The following ZNF571 variants were observed in gnomAD, a reference collection of about 807,000 sequenced individuals.
ZNF571 encodes zinc finger protein 571.
A neutral mutation model predicts 7.7 loss-of-function variants in ZNF571; 4 were observed. The observed-to-expected ratio is 0.52, with a 90% confidence interval of 0.25 to 1.18. ZNF571 has a LOEUF of 1.18. Among genes scored for constraint, ZNF571 ranks in the 50% most tolerant of loss-of-function variants. The pLI is 0.14. For missense variants in ZNF571, 704 were observed against 726.9 expected, an observed-to-expected ratio of 0.97 and a Z score of 0.36; for synonymous variants, 251 against 232.4, an observed-to-expected ratio of 1.08 and a Z score of -0.73.
At chr19:37,575,626 T>C (rs2043216393) in intron 3 of ZNF571, 1 of 152,214 alleles carries the variant, frequency 6.6e-6, no homozygotes, top group Non-Finnish European at 1.5e-5. Context: ...GGTTCTTACT[T>C]CAGGGTCACG....
At position 37,564,712 on chromosome 19, in the gene ZNF571, TTC is replaced by T. The variant is rs763334265; in HGVS notation, c.1714_1715del (p.Glu572ThrfsTer11). 5.6e-6 allele frequency: 9 copies of T among 1,613,634 alleles called. No homozygotes were observed. The South Asian group carries it at 8.8e-5, about 16-fold the overall frequency. On this transcript the variant is annotated frameshift_variant, in exon 4 of 4. Transcript: ENST00000451802. LOFTEE classifies it low-confidence loss of function (END_TRUNC). ...ECGRAFSRGSELTLHQRIHTG... is the reference protein window; with the variant it reads ...ECGRAFSRGSXLTLHQRIHTG... ...TATGGATCCTTTGATGCAGAGTAAG[TTC>T]TGAGCCACGACTAAAGGCCCTCCCA... is the stretch of plus-strand genomic sequence containing the variant.
rs553564809 is a variant in ZNF571, at chr19:37,583,988, C to T, written c.119G>A (p.Ser40Asn). Reference sequence around the variant, plus strand: ...GATCTTACCCAATGAGATCAGGTTGCTGTAGTTCTCCAACATCACATCCCT... The same window carrying T: ...GATCTTACCCAATGAGATCAGGTTGTTGTAGTTCTCCAACATCACATCCCT... Reference protein sequence around the residue: ...LYRDVMLENYSNLISLDLESS... With the variant: ...LYRDVMLENYNNLISLDLESS... Residue 40 changes from serine (S) to asparagine (N), a missense_variant, in exon 3 of 4, where the codon AGC becomes AAC. Transcript: ENST00000451802. 1.2e-6 allele frequency: 2 copies of T among 1,612,038 alleles called. No individual in the cohort carries two copies. Among genetic ancestry groups the T allele is most frequent in the South Asian group, 2.2e-5 (2 of 90,830 alleles).
intron 3 of ZNF571, among the ~76,000 whole-genome samples, chr19:37,567,253 CT>C (rs2042893582): frequency 6.6e-6 from 1 of 152,192 alleles, no homozygotes; most frequent in Non-Finnish European, 1.5e-5. Context: ...GTTTCATATA[CT>C]GCTTTATCTC....
At chr19:37,578,619 C>T (rs2147184350) in intron 3 of ZNF571, among the ~76,000 whole-genome samples, 1 of 152,292 alleles carries the variant, frequency 6.6e-6, no homozygotes, top group African/African-American at 2.4e-5. Flanking sequence ...AGCCCCTCCT[C>T]GCCAGGAAAG....
chr19:37,564,538 T>A lies in ZNF571; in HGVS notation c.*60A>T. 7.0e-7 allele frequency: 1 copy of A among 1,418,944 alleles called. No homozygotes were observed. The highest frequency in any genetic ancestry group is 2.6e-5 in the Admixed American group (1 of 39,088). 87.9% of individuals were successfully genotyped at this position (1,418,944 alleles called of 1,614,324 possible). ...CTGAGCAGAAGCAAGATGTTCTACATTCATTATAGATATGAAATAGATGAA... is the reference window on the plus strand; with the variant it reads ...CTGAGCAGAAGCAAGATGTTCTACAATCATTATAGATATGAAATAGATGAA... On this transcript the variant is annotated 3_prime_UTR_variant, in exon 4 of 4. Transcript: ENST00000451802.
intron 1 of ZNF571, among the ~76,000 whole-genome samples, chr19:37,591,824 G>A (rs113873388): frequency 0.025 from 3,738 of 152,196 alleles, 162 homozygotes; most frequent in African/African-American, 0.085. Context: ...GATTACAGGC[G>A]TGAGCCACCA....
chr19:37,568,728 GCT>G (rs1325809472), intron 3 of ZNF571, among the ~76,000 whole-genome samples: 3 of 152,068 alleles, frequency 2.0e-5, no homozygotes, highest in Non-Finnish European at 2.9e-5. Context: ...TTAAGTAGCA[GCT>G]CTTTTTATTG....
chr19:37,586,331 C>T, intron 2 of ZNF571: 1 of 233,408 alleles, frequency 4.3e-6, no homozygotes, highest in Non-Finnish European at 8.2e-6. Context: ...TGTCATGTAT[C>T]ACATTTAAAC....
intron 3 of ZNF571, chr19:37,566,545 C>A: frequency 2.8e-6 from 1 of 357,470 alleles, no homozygotes; most frequent in Non-Finnish European, 5.0e-6. Context: ...TAGAGACACC[C>A]AGGAGGCTTA....
chr19:37,580,645 T>TC (rs997667545), intron 3 of ZNF571, among the ~76,000 whole-genome samples: 23 of 152,158 alleles, frequency 1.5e-4, no homozygotes, highest in Non-Finnish European at 3.2e-4. Flanking sequence ...ATTAATGCCC[T>TC]CCCTCAAGGG....
At chr19:37,590,541 ATAGT>A (rs2043839601) in intron 1 of ZNF571, among the ~76,000 whole-genome samples, 1 of 152,228 alleles carries the variant, frequency 6.6e-6, no homozygotes, top group Non-Finnish European at 1.5e-5. Context: ...TAAATGAACT[ATAGT>A]TATAGTCCCC....
rs531640879 is a variant in ZNF571 at position 37,565,287 on chromosome 19, GGTAA to G, written c.1137_1140del (p.Tyr380ThrfsTer2). The G allele has an allele frequency of 2.7e-4, 435 of 1,611,044 alleles. No homozygotes were observed. The South Asian group carries it at 3.3e-3, about 12-fold the overall frequency. On this transcript the variant is annotated frameshift_variant, in exon 4 of 4. Coordinates refer to ENST00000451802, the MANE Select transcript of ZNF571 (RefSeq NM_016536.5). LOFTEE classifies it low-confidence loss of function (END_TRUNC). ...CTCTCACCTGAATGAACTCTCAGGTGGTAAGTAAGTTGTGAGCCACGAAAAAAGG... is the reference window on the plus strand; with the variant it reads ...CTCTCACCTGAATGAACTCTCAGGTGGTAAGTTGTGAGCCACGAAAAAAGG...
At chr19:37,587,770 GTCCTCCCCGC>G (rs2043727160) in intron 1 of ZNF571, among the ~76,000 whole-genome samples, 1 of 151,988 alleles carries the variant, frequency 6.6e-6, no homozygotes, top group Non-Finnish European at 1.5e-5. Flanking sequence ...CTAAGATTTT[GTCCTCCCCGC>G]TAACCAATTT....
At chr19:37,566,387 G>T in intron 3 of ZNF571, 96 bp from the exon 4 acceptor site, 2 of 1,364,994 alleles carry the variant, frequency 1.5e-6, no homozygotes, top group East Asian at 4.6e-5. Context: ...TTCTCATTAA[G>T]AATAGAATGG....
chr19:37,565,184 C>G lies in ZNF571; in HGVS notation c.1244G>C (p.Gly415Ala). 1.2e-6 allele frequency: 2 copies of G among 1,613,488 alleles called. No individual in the cohort carries two copies. The highest frequency in any genetic ancestry group is 1.3e-5 in the African/African-American group (1 of 74,966). The change falls in exon 4 of 4, where the codon GGA (glycine) becomes GCA (alanine). Residue 415 changes from glycine to alanine, a missense_variant. Coordinates refer to ENST00000451802, the MANE Select transcript of ZNF571 (RefSeq NM_016536.5). Reference protein sequence around the residue: ...NLIQHQRIHTGEKPYKCKECG... With the variant: ...NLIQHQRIHTAEKPYKCKECG... Reference sequence around the variant, plus strand: ...TTCCTTACATTTGTAGGGCTTCTCTCCGGTATGAATTCTTTGATGTTGAAT... The same window carrying G: ...TTCCTTACATTTGTAGGGCTTCTCTGCGGTATGAATTCTTTGATGTTGAAT...
chr19:37,592,645 G>A (rs541617496), intron 1 of ZNF571, among the ~76,000 whole-genome samples: 1 of 152,322 alleles, frequency 6.6e-6, no homozygotes, highest in East Asian at 1.9e-4. Flanking sequence ...ACATCAGACT[G>A]TAAGGGCCTC....
At chr19:37,572,581 G>A (rs2043100384) in intron 3 of ZNF571, among the ~76,000 whole-genome samples, 1 of 152,156 alleles carries the variant, frequency 6.6e-6, no homozygotes, top group African/African-American at 2.4e-5. Flanking sequence ...GGCATCCACT[G>A]GGGGAGCCTT....
Position 37,579,760 on chromosome 19 carries a change from T to C in ZNF571, c.136+4211A>G, listed in dbSNP as rs575515182. Among the ~76,000 whole-genome samples the C allele has an allele frequency of 4.4e-4, 67 of 152,326 alleles. No homozygotes were observed. In the South Asian group the frequency reaches 0.014, roughly 32 times the overall value. ...CCACTATTAATTGCAGCTGTGCTTT[T>C]ATTACTCTCTCTCCCAGTACTAGCA... On this transcript the variant is annotated intron_variant, in intron 3 of 3. Coordinates refer to ENST00000451802, the MANE Select transcript of ZNF571 (RefSeq NM_016536.5).
chr19:37,593,519 C>T (rs1182135482), intron 1 of ZNF571, among the ~76,000 whole-genome samples: 2 of 152,068 alleles, frequency 1.3e-5, no homozygotes, highest in African/African-American at 2.4e-5. Context: ...CTGGCTAACA[C>T]GGTGAAACCT....
Sources: gnomAD v4.1 joint callset for allele counts (sites outside exome capture counted in the v4.1 genomes callset) on GRCh38, gnomAD v4.1.1 for gene constraint, MANE v1.5 for transcripts, NCBI Gene and HGNC (gene_info 2026-07-23, HGNC 2026-07-21) for gene names.